The following ADGRV1 variants were observed in gnomAD, a reference collection of about 807,000 sequenced individuals.
ADGRV1 encodes the protein G-protein coupled receptor 98.
Under a neutral mutation model 596.2 loss-of-function variants are expected in ADGRV1, and 359 were observed. That is an observed-to-expected ratio of 0.60 (90% CI 0.55 to 0.66). The LOEUF (loss-of-function observed/expected upper bound fraction) is 0.66. Ranked by LOEUF, ADGRV1 falls within the 30% of genes least tolerant of loss-of-function variation. The probability of loss-of-function intolerance (pLI) is 0.00; values close to 1 mark genes in which losing one functional copy is unlikely to be tolerated. For missense variants in ADGRV1, 7,274 were observed against 7,575.6 expected, an observed-to-expected ratio of 0.96 and a Z score of 1.48; for synonymous variants, 2,681 against 2,679.2, an observed-to-expected ratio of 1.00 and a Z score of -0.02.
rs1164810700 is a variant in ADGRV1 at position 90,874,588 on chromosome 5, G to A, written c.17856+10731G>A. The stretch of plus-strand genomic sequence containing the variant: ...TTTAAAAAACTGGTTAAGGCCGCGT[G>A]CGGTGGCTCACACCTGTAATCCCAG... On this transcript the variant is annotated intron_variant, in intron 83 of 89. Coordinates refer to ENST00000405460, the MANE Select transcript of ADGRV1 (RefSeq NM_032119.4). Among the ~76,000 whole-genome samples the A allele has an allele frequency of 3.9e-5, 6 of 151,988 alleles. No homozygotes were observed. In the East Asian group the frequency reaches 1.2e-3, roughly 30 times the overall value.
intron 49 of ADGRV1, 64 bp from the exon 50 acceptor site, chr5:90,729,578 G>A (rs1752262486): frequency 2.4e-6 from 3 of 1,229,850 alleles, no homozygotes; most frequent in Non-Finnish European, 3.5e-6. Context: ...GTTTTATTAT[G>A]TAATTTTGTC....
intron 82 of ADGRV1, among the ~76,000 whole-genome samples, chr5:90,863,156 C>T (rs1256992338): frequency 6.6e-6 from 1 of 152,098 alleles, no homozygotes; most frequent in East Asian, 1.9e-4. Context: ...ATTTTTAAAA[C>T]ACATGTATAC....
At chr5:90,589,856 T>C (rs1472604262) in intron 1 of ADGRV1, among the ~76,000 whole-genome samples, 1 of 152,114 alleles carries the variant, frequency 6.6e-6, no homozygotes, top group Non-Finnish European at 1.5e-5. Context: ...ATGGAAAACA[T>C]AGAAAAGCAC....
At chr5:90,667,671 G>C (rs555804009) in intron 21 of ADGRV1, among the ~76,000 whole-genome samples, 10 of 152,044 alleles carry the variant, frequency 6.6e-5, no homozygotes, top group African/African-American at 2.2e-4. Flanking sequence ...CGTTCCTTTG[G>C]AGGAGGAGAG....
intron 21 of ADGRV1, among the ~76,000 whole-genome samples, chr5:90,671,874 A>G (rs1314323846): frequency 6.6e-6 from 1 of 152,184 alleles, no homozygotes; most frequent in East Asian, 1.9e-4. Context: ...GTGTTTAGAT[A>G]AAAAATTTTC....
In ADGRV1 at chr5:90,830,476, G is replaced by A. The variant is rs576328580; in HGVS notation, c.16611+1290G>A. Among the ~76,000 whole-genome samples the A allele has an allele frequency of 2.6e-5, 4 of 152,260 alleles. No individual in the cohort carries two copies. The East Asian group carries it at 7.7e-4, about 29-fold the overall frequency. ...AAGGGGGACTGGAAATGAAAAACCA[G>A]ATGATAAAAGAGATTTGAGGCACAT... On this transcript the variant is annotated intron_variant, in intron 77 of 89. Coordinates refer to ENST00000405460, the MANE Select transcript of ADGRV1 (RefSeq NM_032119.4).
intron 50 of ADGRV1, among the ~76,000 whole-genome samples, chr5:90,742,014 C>A (rs1039411808): frequency 3.9e-5 from 6 of 152,160 alleles, no homozygotes; most frequent in Non-Finnish European, 7.4e-5. Context: ...CAAGGACATA[C>A]AAACTTATCT....
intron 85 of ADGRV1, chr5:91,031,284 C>G: frequency 6.4e-7 from 1 of 1,554,478 alleles, no homozygotes; most frequent in Non-Finnish European, 8.9e-7. Flanking sequence ...TGTTGTAAGT[C>G]TCATTGATTT....
At chr5:90,931,849 G>A (rs1775282596) in intron 83 of ADGRV1, among the ~76,000 whole-genome samples, 1 of 152,090 alleles carries the variant, frequency 6.6e-6, no homozygotes, top group African/African-American at 2.4e-5. Context: ...AAAAATTGAT[G>A]TTCCTTGCTG....
intron 59 of ADGRV1, 38 bp downstream of exon 59, chr5:90,763,507 A>C (rs1209586661): frequency 8.3e-6 from 13 of 1,562,922 alleles, no homozygotes; most frequent in Non-Finnish European, 1.1e-5. Context: ...TTTTTCCCCA[A>C]TTTGTCTTTG....
intron 89 of ADGRV1, among the ~76,000 whole-genome samples, chr5:91,161,545 G>A (rs1357199531): frequency 7.7e-6 from 1 of 130,210 alleles, no homozygotes; most frequent in Non-Finnish European, 1.7e-5. Flanking sequence ...CCAGAAATCT[G>A]ATTTTTTTGA....
At position 90,720,971 on chromosome 5, in the gene ADGRV1, C is replaced by A. The variant is rs769968855; in HGVS notation, c.9660C>A (p.Thr3220=). Residue 3220 remains threonine (T), a synonymous_variant, in exon 45 of 90, where the codon ACC becomes ACA. Transcript: ENST00000405460. ...TAGACATCGAAGAAGCCAATAGGAC[C>A]GTGTATTTAAATGTATCTCGAACTA... ...TSIDIEEANR[T]VYLNVSRTNG... 3.8e-5 allele frequency: 61 copies of A among 1,611,826 alleles called. No individual in the cohort carries two copies. Among genetic ancestry groups the A allele is most frequent in the Middle Eastern group, 1.6e-4 (1 of 6,076 alleles).
chr5:90,950,112 C>T (rs11741599), intron 83 of ADGRV1, among the ~76,000 whole-genome samples: 114,205 of 152,074 alleles, frequency 0.75, 43,783 homozygotes, highest in African/African-American at 0.9. Flanking sequence ...AATGAACAGA[C>T]TTTAAAGTAC....
intron 85 of ADGRV1, among the ~76,000 whole-genome samples, chr5:91,068,851 A>G (rs1440094223): frequency 1.3e-5 from 2 of 152,206 alleles, no homozygotes; most frequent in African/African-American, 4.8e-5. Context: ...CTAAGCAAAA[A>G]GAACGAAGCC....
chr5:90,759,302 A>G, intron 57 of ADGRV1, 107 bp from the exon 58 acceptor site: 1 of 851,256 alleles, frequency 1.2e-6, no homozygotes, highest in Non-Finnish European at 1.8e-6. Flanking sequence ...CTAAAAAATT[A>G]AAATATATGT....
intron 85 of ADGRV1, among the ~76,000 whole-genome samples, chr5:91,060,421 G>A (rs1787322893): frequency 6.7e-6 from 1 of 149,392 alleles, no homozygotes; most frequent in South Asian, 2.1e-4. Context: ...ATAGAGACGA[G>A]GTTTCACCAT....
At chr5:90,662,509 A>G (rs1770512517) in intron 21 of ADGRV1, among the ~76,000 whole-genome samples, 2 of 152,056 alleles carry the variant, frequency 1.3e-5, no homozygotes, top group South Asian at 4.2e-4. Context: ...AGTACTTTTT[A>G]AAGCAAACCT....
At chr5:90,608,353 A>G (rs905920133) in intron 1 of ADGRV1, among the ~76,000 whole-genome samples, 1 of 152,130 alleles carries the variant, frequency 6.6e-6, no homozygotes, top group Non-Finnish European at 1.5e-5. Context: ...ACAAGAATAA[A>G]CTAATTCCAA....
In ADGRV1 at chr5:90,778,547, G is replaced by C. The variant is rs752258417; in HGVS notation, c.12787G>C (p.Asp4263His). The change falls in exon 63 of 90, where the codon GAC becomes CAC. Residue 4263 changes from aspartate to histidine, a missense_variant. This residue lies in a region of ADGRV1 where 3,643 missense variants were observed against 3,809.2 expected (regional missense o/e 0.96). Coordinates refer to ENST00000405460, the MANE Select transcript of ADGRV1 (RefSeq NM_032119.4). ...STANITVVAS[D>H]SPYGRFAFSH... ...TGCCAACATCACGGTGGTGGCCAGC[G>C]ACTCTCCCTATGGCCGATTTGCCTT... The C allele has an allele frequency of 1.2e-6, 2 of 1,612,624 alleles. No individual in the cohort carries two copies. The highest frequency in any genetic ancestry group is 3.3e-5 in the Admixed American group (2 of 59,884).
Sources: allele counts gnomAD v4.1 joint callset (sites outside exome capture counted in the v4.1 genomes callset), GRCh38; gene constraint gnomAD v4.1.1; regional missense constraint gnomAD v4.1.1; transcripts MANE v1.5; gene names NCBI Gene and HGNC (gene_info 2026-07-23, HGNC 2026-07-21).